The following UNC13C variants were observed in gnomAD, a reference collection of about 807,000 sequenced individuals.
UNC13C encodes unc-13 homolog C, also known as protein unc-13 homolog C.
Under a neutral mutation model 245.4 loss-of-function variants are expected in UNC13C, and 174 were observed. The observed-to-expected ratio is 0.71, with a 90% CI of 0.63 to 0.80. The LOEUF is 0.80. Among genes scored for constraint, UNC13C ranks in the 30% least tolerant of loss-of-function variants. The pLI is 0.00. For missense variants in UNC13C, 2,829 were observed against 2,602.9 expected (o/e 1.09, Z -1.89); for synonymous variants, 992 against 895.1 (o/e 1.11, Z -1.93).
chr15:54,373,822 T>A (rs2039546656), intron 17 of UNC13C, among the ~76,000 whole-genome samples: 2 of 152,186 alleles, frequency 1.3e-5, no homozygotes, highest in Non-Finnish European at 2.9e-5. Flanking sequence ...GGTCCCAAGT[T>A]CTTGTCTCAC....
intron 19 of UNC13C, among the ~76,000 whole-genome samples, chr15:54,474,241 A>C (rs1013077143): frequency 1.3e-5 from 2 of 151,986 alleles, no homozygotes; most frequent in African/African-American, 4.8e-5. Context: ...AGTTTTTATG[A>C]TAAATCTTCA....
At chr15:54,123,525 A>T (rs2030823860) in intron 2 of UNC13C, among the ~76,000 whole-genome samples, 1 of 152,082 alleles carries the variant, frequency 6.6e-6, no homozygotes, top group Non-Finnish European at 1.5e-5. Context: ...CAAATTCAAA[A>T]GTAATAAATC....
At chr15:54,322,176 C>G (rs2038180653) in intron 14 of UNC13C, 81 bp downstream of exon 14, 1 of 1,329,404 alleles carries the variant, frequency 7.5e-7, no homozygotes, top group Admixed American at 3.3e-5. Context: ...TTAAGATATT[C>G]CTGGAATCTT....
the UNC13C span, among the ~76,000 whole-genome samples, chr15:53,893,697 C>T: frequency 6.6e-6 from 1 of 151,780 alleles, no homozygotes; most frequent in Non-Finnish European, 1.5e-5. Context: ...GATGTCCCTC[C>T]CCCCACCAAG....
At chr15:54,109,757 G>C (rs568208950) in intron 2 of UNC13C, among the ~76,000 whole-genome samples, 1 of 152,092 alleles carries the variant, frequency 6.6e-6, no homozygotes, top group South Asian at 2.1e-4. Context: ...TATGAGGTAG[G>C]GTCATTATGA....
At chr15:54,161,226 A>G (rs9788665) in intron 4 of UNC13C, among the ~76,000 whole-genome samples, 41,227 of 152,020 alleles carry the variant, frequency 0.27, 5,722 homozygotes, top group South Asian at 0.36. Flanking sequence ...AGCCTCCCAA[A>G]TAGCCGAGAC....
intron 2 of UNC13C, among the ~76,000 whole-genome samples, chr15:54,054,407 C>T (rs1397298532): frequency 1.3e-5 from 2 of 152,158 alleles, no homozygotes; most frequent in Non-Finnish European, 2.9e-5. Context: ...TAATACCTAT[C>T]TTAAGGCTGC....
chr15:54,274,667 C>CTTTTTTTTTTTTTT (rs10646701), intron 10 of UNC13C, among the ~76,000 whole-genome samples: 4 of 91,604 alleles, frequency 4.4e-5, no homozygotes, highest in Non-Finnish European at 7.8e-5. Flanking sequence ...ATAAAGTAGA[C>CTTTTTTTTTTTTTT]TTTTTTTTTT....
chr15:54,013,815 C>T lies in UNC13C; in HGVS notation c.912C>T (p.Asp304=). ...TCCAGTCTCGGAGGGAAACTAGAGA[C>T]ATCCATGATTATATTAAGCACTTAG... ...GFVQSRRETR[D]IHDYIKHLGH... The change falls in exon 2 of 33, where the codon GAC becomes GAT. Residue 304 remains aspartate, a synonymous_variant. Transcript: ENST00000260323. 1 of 1,612,186 alleles carries T rather than the reference C, an allele frequency of 6.2e-7. No individual in the cohort carries two copies. Among genetic ancestry groups the T allele is most frequent in the Non-Finnish European group, 8.5e-7 (1 of 1,179,330 alleles).
intron 17 of UNC13C, among the ~76,000 whole-genome samples, chr15:54,358,751 G>T (rs1406110614): frequency 6.6e-6 from 1 of 151,988 alleles, no homozygotes; most frequent in African/African-American, 2.4e-5. Context: ...TAATCATGCT[G>T]TCCTCAAACA....
intron 18 of UNC13C, among the ~76,000 whole-genome samples, chr15:54,397,877 T>C (rs1301959366): frequency 6.6e-6 from 1 of 151,396 alleles, no homozygotes; most frequent in African/African-American, 2.4e-5. Context: ...ATTATTTAAA[T>C]AAATTATATT....
rs200025879 is a variant in UNC13C at position 54,546,711 on chromosome 15, T to TA, written c.5697-11_5697-10insA. On this transcript the variant is annotated splice_polypyrimidine_tract_variant and intron_variant, in intron 26 of 32. Transcript: ENST00000260323. ...TTTAAAAGTGAATATATATATATATTTTTTTTTCAGATTAAGTCTCTCAGC... is the reference window on the plus strand; with the variant it reads ...TTTAAAAGTGAATATATATATATATTATTTTTTTCAGATTAAGTCTCTCAGC... The TA allele has an allele frequency of 8.3e-3, 11,913 of 1,432,520 alleles. 773 individuals carry two copies. In the African/African-American group the frequency reaches 0.15, roughly 18 times the overall value. The allele number at this position is 1,432,520 out of a possible 1,614,324, so 88.7% of individuals were successfully genotyped here.
chr15:54,128,360 T>C (rs2031192713), intron 2 of UNC13C, among the ~76,000 whole-genome samples: 1 of 152,232 alleles, frequency 6.6e-6, no homozygotes, highest in African/African-American at 2.4e-5. Flanking sequence ...TTGCTACAAC[T>C]TTCTACTTCA....
At chr15:54,228,364 C>A (rs2035454875) in intron 4 of UNC13C, among the ~76,000 whole-genome samples, 1 of 152,058 alleles carries the variant, frequency 6.6e-6, no homozygotes, top group Admixed American at 6.5e-5. Context: ...CAAGCTGGTA[C>A]CTAAGCTGCA....
At chr15:54,486,749 C>T (rs1405251006) in intron 19 of UNC13C, among the ~76,000 whole-genome samples, 1 of 152,182 alleles carries the variant, frequency 6.6e-6, no homozygotes, top group Non-Finnish European at 1.5e-5. Context: ...TAAAAATACC[C>T]TTTCTCTTTC....
intron 7 of UNC13C, among the ~76,000 whole-genome samples, chr15:54,249,253 A>T (rs1268118515): frequency 6.6e-6 from 1 of 151,582 alleles, no homozygotes; most frequent in Non-Finnish European, 1.5e-5. Flanking sequence ...TTTTACATCC[A>T]GCATCAATAC....
At chr15:54,317,436 A>AT (rs1443317767) in intron 13 of UNC13C, among the ~76,000 whole-genome samples, 1 of 151,876 alleles carries the variant, frequency 6.6e-6, no homozygotes, top group African/African-American at 2.4e-5. Context: ...TTCTTAGGGT[A>AT]TTTTTATCAT....
chr15:54,007,527 G>A (rs2140983613), intron 1 of UNC13C, among the ~76,000 whole-genome samples: 1 of 152,184 alleles, frequency 6.6e-6, no homozygotes, highest in East Asian at 1.9e-4. Flanking sequence ...ACCAAACACT[G>A]CATCTTCTCA....
intron 30 of UNC13C, among the ~76,000 whole-genome samples, chr15:54,571,189 G>A (rs1454083885): frequency 6.6e-6 from 1 of 152,164 alleles, no homozygotes; most frequent in African/African-American, 2.4e-5. Context: ...CCAAGAGTGG[G>A]TAATTTATAA....
Sources: gnomAD v4.1 joint callset for allele counts (sites outside exome capture counted in the v4.1 genomes callset) on GRCh38, gnomAD v4.1.1 for gene constraint, MANE v1.5 for transcripts, NCBI Gene and HGNC (gene_info 2026-07-23, HGNC 2026-07-21) for gene names.